PSD3: variants seen among roughly 807,000 people sequenced by gnomAD.
PSD3 encodes pleckstrin and Sec7 domain containing 3.
Under a neutral mutation model 105.5 loss-of-function variants are expected in PSD3, and 49 were observed. The observed-to-expected ratio is 0.46, with a 90% CI of 0.37 to 0.59. The LOEUF is 0.59. Ranked by LOEUF, PSD3 falls within the 20% of genes least tolerant of loss-of-function variation. The probability of loss-of-function intolerance (pLI) is 0.00; values close to 1 mark genes in which losing one functional copy is unlikely to be tolerated. For synonymous variants in PSD3, 557 were observed against 457.8 expected (o/e 1.22, Z -2.77); for missense variants, 1,561 against 1,263.8 (o/e 1.24, Z -3.57).
intron 11 of PSD3, among the ~76,000 whole-genome samples, chr8:18,615,617 TCAAG>T (rs1805600967): frequency 6.6e-6 from 1 of 152,200 alleles, no homozygotes; most frequent in African/African-American, 2.4e-5. Context: ...ATCAAGAAAA[TCAAG>T]CATACTATGA....
At chr8:18,772,820 T>C (rs1043883619) in intron 8 of PSD3, among the ~76,000 whole-genome samples, 24 of 152,216 alleles carry the variant, frequency 1.6e-4, no homozygotes, top group African/African-American at 5.5e-4. Flanking sequence ...CTTGTGAACA[T>C]TTCTAGACCA....
chr8:18,923,009 T>C (rs1454282404), intron 2 of PSD3, among the ~76,000 whole-genome samples: 4 of 152,178 alleles, frequency 2.6e-5, no homozygotes, highest in African/African-American at 9.7e-5. Flanking sequence ...CACTCAATCA[T>C]TGGCTATTGG....
chr8:18,555,097 T>C lies in PSD3; in HGVS notation c.2928+1112A>G, dbSNP rs546370827. ...GGGAATCGGGGAAGCTGTAGGCAGC[T>C]GTCAAGCAGAGGAATGCCGTCATCT... On this transcript the variant is annotated intron_variant, in intron 15 of 15. Transcript: ENST00000327040. 3.0e-4 allele frequency among the ~76,000 whole-genome samples: 46 copies of C among 151,996 alleles called. 1 individual carries two copies. The highest frequency in any genetic ancestry group is 2.1e-4 in the Non-Finnish European group (14 of 68,026).
intron 2 of PSD3, among the ~76,000 whole-genome samples, chr8:18,884,766 T>A (rs566781334): frequency 1.3e-4 from 20 of 152,340 alleles, no homozygotes; most frequent in Middle Eastern, 3.4e-3. Context: ...AAACTAAATT[T>A]CACATACTAA....
intron 4 of PSD3, among the ~76,000 whole-genome samples, chr8:18,847,190 A>G (rs1230824264): frequency 6.6e-6 from 1 of 152,208 alleles, no homozygotes; most frequent in African/African-American, 2.4e-5. Context: ...GGCACCATCA[A>G]CCAGTCACTT....
chr8:18,640,250 TA>T (rs1807547975), intron 10 of PSD3, among the ~76,000 whole-genome samples: 1 of 152,128 alleles, frequency 6.6e-6, no homozygotes, highest in Admixed American at 6.5e-5. Context: ...AAGTGTAGGC[TA>T]AATACTGCAA....
In PSD3 at chr8:18,765,501, G is replaced by C; in HGVS notation, c.2120C>G (p.Ala707Gly). ...ACCCTCATTTACCCCTTGCAGATTT[G>C]CAATGAACTCCTGACAGGTCATCTT... ...GKKMTCQEFIANLQGVNEGVD... is the reference protein window; with the variant it reads ...GKKMTCQEFIGNLQGVNEGVD... The change falls in exon 9 of 16, where the codon GCA becomes GGA. Residue 707 changes from alanine (A) to glycine (G), a missense_variant. By Grantham distance (60) the Ala-to-Gly change is moderately conservative. Transcript: ENST00000327040. 1 of 1,612,896 alleles carries C rather than the reference G, an allele frequency of 6.2e-7. No individual in the cohort carries two copies. The highest frequency in any genetic ancestry group is 8.5e-7 in the Non-Finnish European group (1 of 1,178,900).
chr8:19,066,914 C>T (rs1829093292), intron 1 of PSD3, among the ~76,000 whole-genome samples: 1 of 152,170 alleles, frequency 6.6e-6, no homozygotes, highest in South Asian at 2.1e-4. Flanking sequence ...TCTTGACATT[C>T]TTGGGGACAC....
At position 18,716,158 on chromosome 8, in the gene PSD3, G is replaced by T. The variant is rs192482592; in HGVS notation, c.2172+49291C>A. On this transcript the variant is annotated intron_variant, in intron 9 of 15. Coordinates refer to ENST00000327040, the MANE Select transcript of PSD3 (RefSeq NM_015310.4). ...GCTAGCTTAAAACATGATTTATCAG[G>T]TATTAAACAGTTGATTGCTGGAAAG... Among the ~76,000 whole-genome samples, 5 of 152,244 alleles carry T rather than the reference G, an allele frequency of 3.3e-5. No homozygotes were observed. The East Asian group carries it at 9.7e-4, about 29-fold the overall frequency.
chr8:18,793,586 A>C (rs1809950066), intron 8 of PSD3, among the ~76,000 whole-genome samples: 1 of 152,318 alleles, frequency 6.6e-6, no homozygotes, highest in Non-Finnish European at 1.5e-5. Context: ...AGAGGACTCC[A>C]AAGGAGAAGG....
intron 1 of PSD3, among the ~76,000 whole-genome samples, chr8:19,012,219 C>T (rs1826982802): frequency 6.6e-6 from 1 of 152,204 alleles, no homozygotes; most frequent in African/African-American, 2.4e-5. Flanking sequence ...CAAGACAAAT[C>T]ACTTGTGGAT....
chr8:18,895,801 GA>G (rs1378853330), intron 2 of PSD3, among the ~76,000 whole-genome samples: 1 of 152,040 alleles, frequency 6.6e-6, no homozygotes, highest in East Asian at 1.9e-4. Flanking sequence ...TCTTTGTGTT[GA>G]AAACATTAAA....
chr8:18,836,148 C>T (rs1466300229), intron 4 of PSD3, among the ~76,000 whole-genome samples: 1 of 152,082 alleles, frequency 6.6e-6, no homozygotes, highest in Non-Finnish European at 1.5e-5. Flanking sequence ...AGTGAGATGC[C>T]AAAAAGGTGC....
Position 18,556,220 on chromosome 8 carries a change from G to C in PSD3, c.2917C>G (p.Leu973Val), listed in dbSNP as rs773951721. 1 of 1,613,762 alleles carries C rather than the reference G, an allele frequency of 6.2e-7. No homozygotes were observed. The highest frequency in any genetic ancestry group is 8.5e-7 in the Non-Finnish European group (1 of 1,179,872). Residue 973 changes from leucine to valine, a missense_variant, in exon 15 of 16, where the codon CTG becomes GTG. By Grantham distance (32) the Leu-to-Val change is conservative. Coordinates refer to ENST00000327040, the MANE Select transcript of PSD3 (RefSeq NM_015310.4). ...VDEYKLKDHY[L>V]EFEKTRYEMY... is the part of the protein sequence containing the mutation. ...TGGGTGCAACACACCTCAAACTCCA[G>C]ATAGTGGTCTTTCAGTTTGTACTCA...
chr8:18,659,976 ACAGGGCAGC>A (rs1388958448), intron 9 of PSD3, among the ~76,000 whole-genome samples: 2 of 152,196 alleles, frequency 1.3e-5, no homozygotes, highest in Non-Finnish European at 2.9e-5. Context: ...CCTTAATGGG[ACAGGGCAGC>A]CCATATGAAT....
At chr8:18,793,500 A>G (rs1809941816) in intron 8 of PSD3, among the ~76,000 whole-genome samples, 1 of 152,100 alleles carries the variant, frequency 6.6e-6, no homozygotes, top group Non-Finnish European at 1.5e-5. Flanking sequence ...TTAGAAATCA[A>G]AAGATCTTTG....
chr8:18,760,747 C>G (rs913574588), intron 9 of PSD3, among the ~76,000 whole-genome samples: 11 of 152,148 alleles, frequency 7.2e-5, no homozygotes, highest in Admixed American at 6.5e-4. Context: ...TAACACTTCA[C>G]TAGTTGGTAT....
chr8:18,960,280 G>T (rs1451492247), intron 1 of PSD3, among the ~76,000 whole-genome samples: 1 of 152,190 alleles, frequency 6.6e-6, no homozygotes, highest in African/African-American at 2.4e-5. Flanking sequence ...TAATAGGTAA[G>T]AAGGAATCTT....
At chr8:18,961,336 G>A (rs890657719) in intron 1 of PSD3, among the ~76,000 whole-genome samples, 1 of 152,152 alleles carries the variant, frequency 6.6e-6, no homozygotes, top group Non-Finnish European at 1.5e-5. Context: ...ACACAAAGAA[G>A]GTTACTAGTC....
Sources: allele counts gnomAD v4.1 joint callset (sites outside exome capture counted in the v4.1 genomes callset), GRCh38; gene constraint gnomAD v4.1.1; transcripts MANE v1.5; gene names NCBI Gene and HGNC (gene_info 2026-07-23, HGNC 2026-07-21).